C1orf87: variants seen among roughly 807,000 people sequenced by gnomAD.
C1orf87 encodes chromosome 1 open reading frame 87.
A neutral mutation model predicts 60.5 loss-of-function variants in C1orf87; 58 were observed. The observed-to-expected ratio is 0.96, with a 90% CI of 0.78 to 1.19. The LOEUF (loss-of-function observed/expected upper bound fraction) is 1.19. Ranked by LOEUF, C1orf87 falls within the 50% of genes most tolerant of loss-of-function variation. C1orf87 has a pLI of 0.00. For synonymous variants in C1orf87, 236 were observed against 227.4 expected (o/e 1.04, Z -0.34); for missense variants, 673 against 638.6 (o/e 1.05, Z -0.58).
intron 2 of C1orf87, among the ~76,000 whole-genome samples, chr1:60,069,485 G>C (rs943115821): frequency 7.3e-6 from 1 of 137,104 alleles, no homozygotes; most frequent in Admixed American, 7.1e-5. Flanking sequence ...GGAGGAAGAT[G>C]ATGATGGCAC....
chr1:60,033,535 G>T lies in C1orf87; in HGVS notation c.970C>A (p.Leu324Ile). 6.2e-7 allele frequency: 1 copy of T among 1,613,948 alleles called. No homozygotes were observed. Among genetic ancestry groups the T allele is most frequent in the South Asian group, 1.1e-5 (1 of 90,996 alleles). Residue 324 changes from leucine to isoleucine, a missense_variant, in exon 7 of 12, where the codon CTC becomes ATC. Physicochemically the swap from Leu to Ile is conservative, Grantham distance 5 (BLOSUM62 2). Transcript: ENST00000371201. Reference protein sequence around the residue: ...TTNGRLNIDNLNLSFRKEDRS... With the variant: ...TTNGRLNIDNINLSFRKEDRS... ...TCTTCTTTTCGAAAACTCAGATTGA[G>T]ATTGTCTATGTTGAGTCTGCCATTG... is the stretch of plus-strand genomic sequence containing the variant.
At chr1:59,994,808 C>A (rs1465081518) in intron 11 of C1orf87, among the ~76,000 whole-genome samples, 2 of 152,152 alleles carry the variant, frequency 1.3e-5, no homozygotes, top group Admixed American at 6.5e-5. Context: ...CTACATATTT[C>A]TTTGCACATA....
chr1:60,041,278 G>A (rs1645323116), intron 3 of C1orf87, 147 bp from the exon 4 acceptor site: 1 of 671,046 alleles, frequency 1.5e-6, no homozygotes, highest in Non-Finnish European at 2.3e-6. Context: ...GTATCATTGA[G>A]TCATTGAATC....
rs1645192577 is a variant in C1orf87, at chr1:60,025,461, G to A, written c.1067C>T (p.Thr356Ile). Reference protein sequence around the residue: ...AICGKHGLYLTLSLLETLLNH... With the variant: ...AICGKHGLYLILSLLETLLNH... ...AAGCAATGTTTCCAGCAGGCTCAGG[G>A]TCAGATATAATCCATGCTTCCCACA... The change falls in exon 8 of 12, where the codon ACC (threonine) becomes ATC (isoleucine). Residue 356 changes from threonine to isoleucine, a missense_variant. Coordinates refer to ENST00000371201, the MANE Select transcript of C1orf87 (RefSeq NM_152377.3). 1 of 1,612,814 alleles carries A rather than the reference G, an allele frequency of 6.2e-7. No individual in the cohort carries two copies. The highest frequency in any genetic ancestry group is 8.5e-7 in the Non-Finnish European group (1 of 1,179,474).
intron 8 of C1orf87, among the ~76,000 whole-genome samples, chr1:60,024,383 C>G (rs1333783540): frequency 6.6e-6 from 1 of 152,142 alleles, no homozygotes; most frequent in Non-Finnish European, 1.5e-5. Flanking sequence ...GGTTTCTACT[C>G]AATGCCGTAT....
rs766636459 is a variant in C1orf87 at position 59,990,627 on chromosome 1, A to C, written c.*46T>G. 6 of 1,599,312 alleles carry C rather than the reference A, an allele frequency of 3.8e-6. No individual in the cohort carries two copies. Among genetic ancestry groups the C allele is most frequent in the Non-Finnish European group, 5.1e-6 (6 of 1,169,502 alleles). ...TGGGGAGAAACATGTGTCTGGGTAA[A>C]AAGGGAGATAAGGGAAACATCTGTT... On this transcript the variant is annotated 3_prime_UTR_variant, in exon 12 of 12. Coordinates refer to ENST00000371201, the MANE Select transcript of C1orf87 (RefSeq NM_152377.3).
intron 7 of C1orf87, among the ~76,000 whole-genome samples, chr1:60,033,102 A>C (rs1645250749): frequency 6.6e-6 from 1 of 152,138 alleles, no homozygotes; most frequent in Admixed American, 6.5e-5. Context: ...CGGTCCCTAA[A>C]ATTTGGTTTT....
At chr1:60,024,923 C>T (rs1176513591) in intron 8 of C1orf87, among the ~76,000 whole-genome samples, 2 of 152,130 alleles carry the variant, frequency 1.3e-5, no homozygotes, top group Non-Finnish European at 2.9e-5. Context: ...GCCAAGAAGA[C>T]CCTTTGGTCG....
Position 60,072,660 on chromosome 1 carries a change from C to G in C1orf87, c.-17G>C. The G allele has an allele frequency of 6.4e-7, 1 of 1,553,664 alleles. No homozygotes were observed. Among genetic ancestry groups the G allele is most frequent in the South Asian group, 1.1e-5 (1 of 87,766 alleles). ...TGAAGACATGATTCCTTTCAAAATCCCTTCAGATCCCTAGGGGTGAAAATA... is the reference window on the plus strand; with the variant it reads ...TGAAGACATGATTCCTTTCAAAATCGCTTCAGATCCCTAGGGGTGAAAATA... On this transcript the variant is annotated 5_prime_UTR_variant, in exon 2 of 12. Transcript: ENST00000371201.
At chr1:60,014,324 G>A (rs1490669349) in intron 8 of C1orf87, among the ~76,000 whole-genome samples, 1 of 152,112 alleles carries the variant, frequency 6.6e-6, no homozygotes, top group Non-Finnish European at 1.5e-5. Context: ...CTTCTTATGG[G>A]TGGTTAGGGC....
chr1:60,020,165 G>A (rs561750217), intron 8 of C1orf87, among the ~76,000 whole-genome samples: 10 of 152,162 alleles, frequency 6.6e-5, no homozygotes, highest in Non-Finnish European at 1.5e-4. Flanking sequence ...AAATAGTTTC[G>A]TGGGCTGGGC....
intron 9 of C1orf87, among the ~76,000 whole-genome samples, chr1:60,006,492 CT>C (rs1645046395): frequency 6.6e-6 from 1 of 151,982 alleles, no homozygotes; most frequent in Non-Finnish European, 1.5e-5. Context: ...AGTGATAGGT[CT>C]TCAAGAAATG....
At chr1:60,001,296 G>A (rs559931586) in intron 9 of C1orf87, 140 bp from the exon 10 acceptor site, 3 of 538,040 alleles carry the variant, frequency 5.6e-6, no homozygotes, top group South Asian at 4.2e-5. Context: ...GTTAGGTAAT[G>A]GGAACACTCT....
chr1:60,001,032 T>G, intron 10 of C1orf87, 45 bp downstream of exon 10: 3 of 1,497,436 alleles, frequency 2.0e-6, no homozygotes, highest in Non-Finnish European at 2.8e-6. Context: ...AGGCCAAGTA[T>G]CCATGAAAAC....
chr1:59,992,265 T>TATTTA (rs1279104967), intron 11 of C1orf87, among the ~76,000 whole-genome samples: 2 of 146,212 alleles, frequency 1.4e-5, no homozygotes, highest in African/African-American at 5.1e-5. Context: ...TTTATTTATT[T>TATTTA]TTTATTTTGA....
intron 2 of C1orf87, among the ~76,000 whole-genome samples, chr1:60,061,265 T>C (rs904806068): frequency 6.6e-6 from 1 of 152,152 alleles, no homozygotes; most frequent in Admixed American, 6.5e-5. Flanking sequence ...AAACTAAAGG[T>C]GGCCAAATAT....
intron 2 of C1orf87, among the ~76,000 whole-genome samples, chr1:60,056,149 C>G (rs1044540959): frequency 1.3e-5 from 2 of 152,026 alleles, no homozygotes; most frequent in Non-Finnish European, 1.5e-5. Context: ...GAGGCTGAGG[C>G]AGAAGAATCG....
At chr1:60,042,519 C>T (rs972715699) in intron 3 of C1orf87, among the ~76,000 whole-genome samples, 18 of 152,286 alleles carry the variant, frequency 1.2e-4, no homozygotes, top group Middle Eastern at 6.8e-3. Flanking sequence ...AAAACCAAGA[C>T]GCTCTCTAGA....
rs759891493 is a variant in C1orf87, at chr1:60,072,635, T to C, written c.9A>G (p.Ser3=). The change falls in exon 2 of 12, where the codon TCA becomes TCG. Residue 3 remains serine, a synonymous_variant. Transcript: ENST00000371201. The stretch of plus-strand genomic sequence containing the variant: ...CTGATCCACGGGGAGTCTTCCAGGC[T>C]GAAGACATGATTCCTTTCAAAATCC... MS[S]AWKTPRGSDA... 3 of 1,607,694 alleles carry C rather than the reference T, an allele frequency of 1.9e-6. No homozygotes were observed. The highest frequency in any genetic ancestry group is 3.4e-5 in the Admixed American group (2 of 59,264).
Sources: gnomAD v4.1 joint callset for allele counts (sites outside exome capture counted in the v4.1 genomes callset) on GRCh38, gnomAD v4.1.1 for gene constraint, MANE v1.5 for transcripts, NCBI Gene and HGNC (gene_info 2026-07-23, HGNC 2026-07-21) for gene names.